CDH23: variants seen among roughly 807,000 people sequenced by gnomAD.
CDH23 encodes cadherin related 23.
In CDH23, 189 loss-of-function variants were observed where a neutral mutation model predicts 317.1. The ratio of observed to expected loss-of-function variants is 0.60; its 90% CI spans 0.53 to 0.67. The LOEUF is 0.67. Ranked by LOEUF, CDH23 falls within the 30% of genes least tolerant of loss-of-function variation. The pLI, the probability that CDH23 is intolerant of heterozygous loss-of-function variation, is 0.00. For synonymous variants in CDH23, 1,839 were observed against 1,876.8 expected, an observed-to-expected ratio of 0.98 and a Z score of 0.52; for missense variants, 4,401 against 4,592.4, an observed-to-expected ratio of 0.96 and a Z score of 1.20.
intron 9 of CDH23, among the ~76,000 whole-genome samples, chr10:71,586,739 A>T (rs192949519): frequency 6.6e-6 from 1 of 152,322 alleles, no homozygotes; most frequent in East Asian, 1.9e-4. Flanking sequence ...CAAATATCTT[A>T]TCGCATATAT....
intron 11 of CDH23, among the ~76,000 whole-genome samples, chr10:71,634,074 C>T (rs961373182): frequency 6.6e-6 from 1 of 152,258 alleles, no homozygotes; most frequent in Non-Finnish European, 1.5e-5. Flanking sequence ...CAGAGCCAGG[C>T]AGCTGCAGAT....
At chr10:71,756,370 T>C (rs1364798782) in intron 38 of CDH23, among the ~76,000 whole-genome samples, 1 of 152,196 alleles carries the variant, frequency 6.6e-6, no homozygotes, top group East Asian at 1.9e-4. Context: ...CTTAGAGTTT[T>C]ATCACATGGC....
chr10:71,652,451 A>G (rs759051060), intron 14 of CDH23, among the ~76,000 whole-genome samples: 5 of 152,232 alleles, frequency 3.3e-5, no homozygotes, highest in Admixed American at 6.5e-5. Context: ...TGGTGTAAAC[A>G]GGTAAGATTT....
intron 3 of CDH23, among the ~76,000 whole-genome samples, chr10:71,502,204 C>CACT (rs1853376962): frequency 6.6e-6 from 1 of 152,228 alleles, no homozygotes; most frequent in Non-Finnish European, 1.5e-5. Context: ...AGAGGCAGAC[C>CACT]ACTAGGTTCT....
rs1229098472 is a variant in CDH23 at position 71,505,417 on chromosome 10, A to AT, written c.146-4659dup. Among the ~76,000 whole-genome samples, 7 of 152,324 alleles carry AT rather than the reference A, an allele frequency of 4.6e-5. No individual in the cohort carries two copies. The South Asian group carries it at 6.2e-4, about 14-fold the overall frequency. ...TTCTAACATGATGATGATAGCTAAC[A>AT]TTTTTTAGCTCTAACCATGGTAGAC... On this transcript the variant is annotated intron_variant, in intron 3 of 69. Transcript: ENST00000224721.
intron 9 of CDH23, among the ~76,000 whole-genome samples, chr10:71,583,555 G>A (rs567714918): frequency 1.1e-4 from 17 of 152,270 alleles, no homozygotes; most frequent in Admixed American, 3.9e-4. Flanking sequence ...GAGGCCAAGG[G>A]GGCATGGAGG....
intron 1 of CDH23, among the ~76,000 whole-genome samples, chr10:71,398,336 A>G (rs1328371822): frequency 6.6e-6 from 1 of 152,198 alleles, no homozygotes; most frequent in Non-Finnish European, 1.5e-5. Flanking sequence ...CTCTCAGACC[A>G]GAGCTGGCAT....
chr10:71,540,538 A>C (rs944446523), intron 6 of CDH23, among the ~76,000 whole-genome samples: 20 of 152,186 alleles, frequency 1.3e-4, no homozygotes, highest in African/African-American at 4.8e-4. Flanking sequence ...AGCTGGTCTC[A>C]CTACCCCAGG....
At chr10:71,511,047 G>A in intron 5 of CDH23, 46 bp downstream of exon 5, 1 of 1,611,646 alleles carries the variant, frequency 6.2e-7, no homozygotes. Context: ...GGGGTCACAG[G>A]ATTTCTGGAC....
chr10:71,501,815 C>T (rs1853350905), intron 3 of CDH23, among the ~76,000 whole-genome samples: 1 of 152,184 alleles, frequency 6.6e-6, no homozygotes. Context: ...AGCCCCTGGC[C>T]CTGGCAGGGA....
intron 9 of CDH23, among the ~76,000 whole-genome samples, chr10:71,578,820 A>C (rs1036152271): frequency 2.6e-5 from 4 of 152,210 alleles, no homozygotes; most frequent in African/African-American, 9.7e-5. Flanking sequence ...CCGAAAGGAC[A>C]TCTGGCCACC....
At chr10:71,506,561 G>A (rs1853649060) in intron 3 of CDH23, among the ~76,000 whole-genome samples, 1 of 152,150 alleles carries the variant, frequency 6.6e-6, no homozygotes, top group African/African-American at 2.4e-5. Flanking sequence ...ACACTGGGCT[G>A]GAGCTGAACC....
intron 3 of CDH23, among the ~76,000 whole-genome samples, chr10:71,498,660 G>A (rs1853106343): frequency 6.6e-6 from 1 of 152,232 alleles, no homozygotes; most frequent in Non-Finnish European, 1.5e-5. Flanking sequence ...AGCAATCCCA[G>A]CTCTGCCTTG....
intron 38 of CDH23, among the ~76,000 whole-genome samples, chr10:71,745,788 A>C (rs1169588579): frequency 6.6e-6 from 1 of 152,230 alleles, no homozygotes; most frequent in African/African-American, 2.4e-5. Flanking sequence ...CTCCTAGAGC[A>C]ACCAGAGACC....
chr10:71,784,364 T>C lies in CDH23; in HGVS notation c.5446T>C (p.Phe1816Leu), dbSNP rs1841039662. 6.2e-7 allele frequency: 1 copy of C among 1,613,820 alleles called. No individual in the cohort carries two copies. Among genetic ancestry groups the C allele is most frequent in the Non-Finnish European group, 8.5e-7 (1 of 1,179,842 alleles). The change falls in exon 42 of 70, where the codon TTC becomes CTC. Residue 1816 changes from phenylalanine (F) to leucine (L), a missense_variant. Phe to Leu is a conservative substitution (Grantham distance 22). Transcript: ENST00000224721. ...DVELDRETIAFYNLTICARDR... is the reference protein window; with the variant it reads ...DVELDRETIALYNLTICARDR... ...GGAGCTGGACCGGGAGACCATCGCCTTCTACAACCTGACCATCTGTGCCCG... is the reference window on the plus strand; with the variant it reads ...GGAGCTGGACCGGGAGACCATCGCCCTCTACAACCTGACCATCTGTGCCCG...
At chr10:71,477,444 T>C (rs1851851350) in intron 3 of CDH23, among the ~76,000 whole-genome samples, 2 of 152,180 alleles carry the variant, frequency 1.3e-5, no homozygotes, top group South Asian at 4.1e-4. Flanking sequence ...GTTAGGATTA[T>C]AGGCGTGAGC....
At chr10:71,493,891 T>C (rs1013720721) in intron 3 of CDH23, among the ~76,000 whole-genome samples, 15 of 152,194 alleles carry the variant, frequency 9.9e-5, no homozygotes, top group Admixed American at 7.9e-4. Flanking sequence ...ATAAGATCTC[T>C]TATATACCTA....
At chr10:71,631,427 A>T (rs971312287) in intron 11 of CDH23, among the ~76,000 whole-genome samples, 1 of 152,198 alleles carries the variant, frequency 6.6e-6, no homozygotes, top group Non-Finnish European at 1.5e-5. Context: ...AGCAAGAGGG[A>T]GCACTGATGA....
At chr10:71,566,713 C>A in intron 6 of CDH23, 29 bp from the exon 7 acceptor site, 1 of 1,562,590 alleles carries the variant, frequency 6.4e-7, no homozygotes, top group South Asian at 1.2e-5. Flanking sequence ...ACTGGCTCAC[C>A]CTTGTACTTG....
Sources: allele counts gnomAD v4.1 joint callset (sites outside exome capture counted in the v4.1 genomes callset), GRCh38; gene constraint gnomAD v4.1.1; transcripts MANE v1.5; gene names NCBI Gene and HGNC (gene_info 2026-07-23, HGNC 2026-07-21).